The following ADAM32 variants were observed in gnomAD, a reference collection of about 807,000 sequenced individuals.
ADAM32 encodes the protein ADAM metallopeptidase domain 32, also known as disintegrin and metalloproteinase domain-containing protein 32.
A neutral mutation model predicts 114.9 loss-of-function variants in ADAM32; 89 were observed. That is an observed-to-expected ratio of 0.77 (90% CI 0.65 to 0.92). The LOEUF (loss-of-function observed/expected upper bound fraction) is 0.92, where lower values mean the gene tolerates loss of function less well. ADAM32 is among the 40% of genes least tolerant of loss of function. The probability of loss-of-function intolerance (pLI) is 0.00; values close to 1 mark genes in which losing one functional copy is unlikely to be tolerated. For missense variants in ADAM32, 870 were observed against 932.8 expected (o/e 0.93, Z 0.88); for synonymous variants, 285 against 307.5 (o/e 0.93, Z 0.77).
intron 8 of ADAM32, 71 bp downstream of exon 8, chr8:39,164,906 T>C (rs909691144): frequency 1.8e-5 from 27 of 1,508,604 alleles, no homozygotes; most frequent in Non-Finnish European, 2.3e-5. Flanking sequence ...CTTGATGCGG[T>C]ATTCCTGGAT....
At chr8:39,170,562 T>C (rs1805125222) in intron 10 of ADAM32, among the ~76,000 whole-genome samples, 1 of 151,972 alleles carries the variant, frequency 6.6e-6, no homozygotes, top group African/African-American at 2.4e-5. Flanking sequence ...AAAAAACAAG[T>C]TTAAGTACTA....
At chr8:39,112,259 G>T (rs1252721815) in intron 1 of ADAM32, among the ~76,000 whole-genome samples, 1 of 151,958 alleles carries the variant, frequency 6.6e-6, no homozygotes, top group East Asian at 1.9e-4. Flanking sequence ...AATGACAAAA[G>T]CATATTGTAT....
chr8:39,173,922 T>G (rs1262427223), intron 10 of ADAM32, among the ~76,000 whole-genome samples: 1 of 152,170 alleles, frequency 6.6e-6, no homozygotes, highest in East Asian at 1.9e-4. Flanking sequence ...CCTCCAAGGT[T>G]CAAGCGATTC....
chr8:39,183,389 A>G (rs1176232213), intron 10 of ADAM32, among the ~76,000 whole-genome samples: 1 of 151,926 alleles, frequency 6.6e-6, no homozygotes. Context: ...CCTCTAATTC[A>G]CCCCTACCAT....
At chr8:39,131,489 T>C (rs1252322007) in intron 2 of ADAM32, among the ~76,000 whole-genome samples, 1 of 152,168 alleles carries the variant, frequency 6.6e-6, no homozygotes, top group Non-Finnish European at 1.5e-5. Context: ...AGACTGTCAG[T>C]AGTTTCATTC....
intron 10 of ADAM32, among the ~76,000 whole-genome samples, chr8:39,181,009 G>A (rs1196428284): frequency 1.3e-5 from 2 of 152,308 alleles, no homozygotes; most frequent in Non-Finnish European, 2.9e-5. Flanking sequence ...CTCAGGGATT[G>A]TAAACGCACC....
At chr8:39,276,829 G>A (rs767232219) in intron 22 of ADAM32, among the ~76,000 whole-genome samples, 2 of 152,094 alleles carry the variant, frequency 1.3e-5, no homozygotes, top group African/African-American at 2.4e-5. Context: ...CAGGCCCAGC[G>A]AGCCTCAGTG....
chr8:39,134,393 T>C (rs975037999), intron 2 of ADAM32, among the ~76,000 whole-genome samples: 1 of 152,234 alleles, frequency 6.6e-6, no homozygotes, highest in African/African-American at 2.4e-5. Context: ...GACCCTGGAC[T>C]GTGGAAGATC....
chr8:39,208,371 A>G (rs1807987550), intron 11 of ADAM32, among the ~76,000 whole-genome samples: 2 of 152,104 alleles, frequency 1.3e-5, no homozygotes, highest in Non-Finnish European at 2.9e-5. Flanking sequence ...TATATTACCT[A>G]TCTCTTAAAA....
chr8:39,206,550 A>T (rs1189540282), intron 11 of ADAM32, among the ~76,000 whole-genome samples: 1 of 152,168 alleles, frequency 6.6e-6, no homozygotes, highest in African/African-American at 2.4e-5. Context: ...TGACCTTGAC[A>T]TTGGAGGGTT....
intron 6 of ADAM32, chr8:39,158,212 G>C (rs972754184): frequency 2.0e-5 from 4 of 195,606 alleles, no homozygotes; most frequent in Non-Finnish European, 4.2e-5. Flanking sequence ...CATACATAGA[G>C]GAAGCAGGTG....
At chr8:39,120,083 C>T (rs1165668345) in intron 2 of ADAM32, among the ~76,000 whole-genome samples, 1 of 152,210 alleles carries the variant, frequency 6.6e-6, no homozygotes, top group Non-Finnish European at 1.5e-5. Flanking sequence ...CCTGTTGGCA[C>T]CTTGATCTTG....
chr8:39,185,051 G>T (rs1218618774), intron 10 of ADAM32, among the ~76,000 whole-genome samples: 1 of 151,976 alleles, frequency 6.6e-6, no homozygotes, highest in Non-Finnish European at 1.5e-5. Context: ...ATCACTTGAG[G>T]GTCAGGAGTT....
chr8:39,183,044 G>A (rs1188487000), intron 10 of ADAM32, among the ~76,000 whole-genome samples: 1 of 152,162 alleles, frequency 6.6e-6, no homozygotes, highest in Non-Finnish European at 1.5e-5. Context: ...CATCAGGTGG[G>A]GATACTGGCT....
In ADAM32 at chr8:39,152,720, CAAAAAAAAAAAAAAAAA is replaced by C. The variant is rs112877602; in HGVS notation, c.525+1185_525+1201del. ...TGGGTGACAGGGCAAGACTCCATCT[CAAAAAAAAAAAAAAAAA>C]AAAAAAAAAAAAGAAAGAAAAAAGA... is the stretch of plus-strand genomic sequence containing the variant. On this transcript the variant is annotated intron_variant, in intron 6 of 24. Coordinates refer to ENST00000379907, the MANE Select transcript of ADAM32 (RefSeq NM_145004.7). Among the ~76,000 whole-genome samples the C allele has an allele frequency of 3.0e-3, 406 of 136,830 alleles. 2 individuals carry two copies. The highest frequency in any genetic ancestry group is 4.3e-3 in the Non-Finnish European group (284 of 65,798). 89.8% of individuals were successfully genotyped at this position (136,830 alleles called of 152,430 possible).
intron 2 of ADAM32, among the ~76,000 whole-genome samples, chr8:39,128,314 C>G (rs756998573): frequency 1.3e-5 from 2 of 152,084 alleles, no homozygotes; most frequent in Non-Finnish European, 2.9e-5. Context: ...GGTTTATAGT[C>G]TGTTTTGTCA....
At chr8:39,195,884 A>C (rs1026314727) in intron 11 of ADAM32, among the ~76,000 whole-genome samples, 1 of 152,054 alleles carries the variant, frequency 6.6e-6, no homozygotes, top group Non-Finnish European at 1.5e-5. Flanking sequence ...GAAGAATATT[A>C]TTGGTATTTT....
chr8:39,222,705 G>A (rs1809057948), intron 13 of ADAM32, among the ~76,000 whole-genome samples: 6 of 152,000 alleles, frequency 3.9e-5, no homozygotes, highest in African/African-American at 1.4e-4. Context: ...TTTAGAAATG[G>A]ACTAAATTAC....
intron 1 of ADAM32, among the ~76,000 whole-genome samples, chr8:39,109,433 G>A (rs1020664168): frequency 6.6e-6 from 1 of 152,076 alleles, no homozygotes; most frequent in African/African-American, 2.4e-5. Flanking sequence ...TGTAATCCCA[G>A]CTACTCGGGA....
Sources: gnomAD v4.1 joint callset for allele counts (sites outside exome capture counted in the v4.1 genomes callset) on GRCh38, gnomAD v4.1.1 for gene constraint, MANE v1.5 for transcripts, NCBI Gene and HGNC (gene_info 2026-07-23, HGNC 2026-07-21) for gene names.